The following FMN1 variants were observed in gnomAD, a reference collection of about 807,000 sequenced individuals.
FMN1 encodes formin-1.
A neutral mutation model predicts 132.4 loss-of-function variants in FMN1; 110 were observed. That is an observed-to-expected ratio of 0.83 (90% confidence interval 0.71 to 0.97). The LOEUF is 0.97. Ranked by LOEUF, FMN1 falls within the 50% of genes least tolerant of loss-of-function variation. The pLI is 0.00. For missense variants in FMN1, 1,792 were observed against 1,705.3 expected (o/e 1.05, Z -0.90); for synonymous variants, 722 against 651.7 (o/e 1.11, Z -1.64).
chr15:33,085,318 T>TA (rs2038644896), intron 5 of FMN1, among the ~76,000 whole-genome samples: 2 of 152,132 alleles, frequency 1.3e-5, no homozygotes, highest in South Asian at 4.2e-4. Context: ...TATTTAAACA[T>TA]ATAGGAGTCA....
intron 10 of FMN1, among the ~76,000 whole-genome samples, chr15:32,916,225 G>A (rs912408607): frequency 1.3e-5 from 2 of 152,192 alleles, no homozygotes; most frequent in African/African-American, 4.8e-5. Flanking sequence ...TTCCCCCTCC[G>A]GGTAAGAGAT....
intron 10 of FMN1, among the ~76,000 whole-genome samples, chr15:32,916,256 T>G (rs1480492366): frequency 6.6e-6 from 1 of 152,098 alleles, no homozygotes; most frequent in Non-Finnish European, 1.5e-5. Context: ...AAGACCAGGG[T>G]TAAGTAGAAA....
chr15:33,046,558 C>T (rs553140695), intron 6 of FMN1, among the ~76,000 whole-genome samples: 7 of 152,250 alleles, frequency 4.6e-5, no homozygotes, highest in Non-Finnish European at 7.3e-5. Context: ...CTATGCAACC[C>T]CTTGGTCAGC....
intron 4 of FMN1, among the ~76,000 whole-genome samples, chr15:33,145,606 G>A (rs1343840459): frequency 6.6e-6 from 1 of 151,516 alleles, no homozygotes; most frequent in African/African-American, 2.4e-5. Context: ...CCTCCCCGTG[G>A]TAGCCGCTAC....
intron 4 of FMN1, among the ~76,000 whole-genome samples, chr15:33,092,795 G>C (rs2038949609): frequency 6.6e-6 from 1 of 152,174 alleles, no homozygotes; most frequent in South Asian, 2.1e-4. Context: ...AATTATTAAA[G>C]ACATTAAACC....
intron 4 of FMN1, among the ~76,000 whole-genome samples, chr15:33,130,056 C>A (rs927267280): frequency 6.6e-6 from 1 of 152,004 alleles, no homozygotes. Context: ...ACCTCGTGAT[C>A]CACCTGACCT....
intron 9 of FMN1, among the ~76,000 whole-genome samples, chr15:32,958,237 G>T (rs369860793): frequency 6.6e-6 from 1 of 152,192 alleles, no homozygotes; most frequent in African/African-American, 2.4e-5. Flanking sequence ...ATATTTTGTT[G>T]ATGTTTTTAA....
chr15:32,895,930 TAGAC>T (rs1241867125), intron 15 of FMN1, among the ~76,000 whole-genome samples: 1 of 152,250 alleles, frequency 6.6e-6, no homozygotes, highest in African/African-American at 2.4e-5. Context: ...GTTTGTGTCT[TAGAC>T]TGAACACTTC....
At chr15:32,834,323 T>C (rs1433308548) in intron 17 of FMN1, among the ~76,000 whole-genome samples, 2 of 152,216 alleles carry the variant, frequency 1.3e-5, no homozygotes, top group Non-Finnish European at 2.9e-5. Context: ...TCCTCTCACA[T>C]GGTGTGTGGA....
intron 17 of FMN1, among the ~76,000 whole-genome samples, chr15:32,833,982 C>T (rs1250272585): frequency 6.6e-6 from 1 of 152,126 alleles, no homozygotes; most frequent in African/African-American, 2.4e-5. Flanking sequence ...AGAACCATCG[C>T]CCTTTGTCAT....
intron 4 of FMN1, among the ~76,000 whole-genome samples, chr15:33,120,794 T>C (rs1962481121): frequency 6.6e-6 from 1 of 152,220 alleles, no homozygotes; most frequent in South Asian, 2.1e-4. Context: ...TTTTTAATCC[T>C]ATGAACATTC....
chr15:33,078,733 C>T (rs909338839), intron 5 of FMN1, among the ~76,000 whole-genome samples: 4 of 151,954 alleles, frequency 2.6e-5, no homozygotes, highest in Non-Finnish European at 4.4e-5. Context: ...AAGGCTACTG[C>T]ATTTCAAATT....
chr15:32,949,314 A>G (rs1387486008), intron 9 of FMN1, among the ~76,000 whole-genome samples: 3 of 152,186 alleles, frequency 2.0e-5, no homozygotes, highest in African/African-American at 7.2e-5. Flanking sequence ...TACAGTAACC[A>G]AAAGAGCATG....
chr15:32,997,586 A>T (rs1408578039), intron 7 of FMN1, among the ~76,000 whole-genome samples: 1 of 152,166 alleles, frequency 6.6e-6, no homozygotes, highest in Admixed American at 6.5e-5. Context: ...AGCACTGAGC[A>T]TGGTACCTGG....
chr15:32,899,548 T>C (rs889640043), intron 14 of FMN1, among the ~76,000 whole-genome samples: 2 of 152,218 alleles, frequency 1.3e-5, no homozygotes, highest in African/African-American at 2.4e-5. Flanking sequence ...AGCTTGACAG[T>C]AGACCCCAGC....
chr15:33,002,608 G>A (rs2034180990), intron 7 of FMN1, among the ~76,000 whole-genome samples: 1 of 152,174 alleles, frequency 6.6e-6, no homozygotes. Context: ...CAAATGAGAG[G>A]TCATGCATCC....
At chr15:32,864,231 T>A (rs1245528270) in intron 16 of FMN1, among the ~76,000 whole-genome samples, 1 of 152,210 alleles carries the variant, frequency 6.6e-6, no homozygotes, top group Non-Finnish European at 1.5e-5. Flanking sequence ...TCTTGAGGTC[T>A]GATGCTACAC....
intron 10 of FMN1, among the ~76,000 whole-genome samples, chr15:32,918,639 C>A (rs938370788): frequency 3.9e-5 from 6 of 152,156 alleles, no homozygotes; most frequent in South Asian, 2.1e-4. Context: ...CAAAGAAGGG[C>A]ACAGGGCATA....
chr15:33,098,436 A>C (rs2039168859), intron 4 of FMN1, among the ~76,000 whole-genome samples: 1 of 152,192 alleles, frequency 6.6e-6, no homozygotes, highest in African/African-American at 2.4e-5. Context: ...TGTCTTCTCT[A>C]AAACTAGGCA....
Sources: allele counts gnomAD v4.1 joint callset (sites outside exome capture counted in the v4.1 genomes callset), GRCh38; gene constraint gnomAD v4.1.1; transcripts MANE v1.5; gene names NCBI Gene and HGNC (gene_info 2026-07-23, HGNC 2026-07-21).